Variants in ITGA8 observed in about 807,000 individuals in gnomAD.
The protein encoded by ITGA8 is integrin subunit alpha 8, also known as integrin alpha-8.
A neutral mutation model predicts 142.3 loss-of-function variants in ITGA8; 91 were observed. That is an observed-to-expected ratio of 0.64 (90% confidence interval 0.54 to 0.76). ITGA8 has a LOEUF of 0.76. ITGA8 is among the 30% of genes least tolerant of loss of function. The pLI is 0.00. For missense variants in ITGA8, 1,406 were observed against 1,327.7 expected, an observed-to-expected ratio of 1.06 and a Z score of -0.92; for synonymous variants, 505 against 485.2, an observed-to-expected ratio of 1.04 and a Z score of -0.54.
chr10:15,553,948 G>T (rs1260277389), intron 26 of ITGA8, among the ~76,000 whole-genome samples: 1 of 151,894 alleles, frequency 6.6e-6, no homozygotes, highest in African/African-American at 2.4e-5. Context: ...AGCTGAGACG[G>T]CACCATTGCA....
At chr10:15,546,335 C>T (rs960189891) in intron 27 of ITGA8, among the ~76,000 whole-genome samples, 1 of 152,178 alleles carries the variant, frequency 6.6e-6, no homozygotes, top group Non-Finnish European at 1.5e-5. Flanking sequence ...TATAACTAGA[C>T]CCTGAAGCAG....
chr10:15,579,677 CATCGAG>C (rs1834367176), intron 23 of ITGA8, among the ~76,000 whole-genome samples: 2 of 151,868 alleles, frequency 1.3e-5, no homozygotes, highest in Non-Finnish European at 2.9e-5. Context: ...GCAATTTTCT[CATCGAG>C]AGAGATAGGA....
chr10:15,577,215 A>T (rs1834315384), intron 23 of ITGA8, among the ~76,000 whole-genome samples: 1 of 152,194 alleles, frequency 6.6e-6, no homozygotes, highest in Admixed American at 6.5e-5. Flanking sequence ...TTCTCTGAAA[A>T]CTTTTGTTTT....
chr10:15,517,040 C>CTTA lies in ITGA8; in HGVS notation c.*117_*118insTAA. On this transcript the variant is annotated 3_prime_UTR_variant, in exon 30 of 30. Transcript: ENST00000378076. ...GATGAGGTGATGTTTCCAGGGTCCC[C>CTTA]TCCATTTCCTGGGTCACTGTCAGGT... The CTTA allele has an allele frequency of 3.8e-6, 2 of 531,008 alleles. No homozygotes were observed. Among genetic ancestry groups the CTTA allele is most frequent in the South Asian group, 3.8e-5 (1 of 26,288 alleles). 32.9% of individuals were successfully genotyped at this position (531,008 alleles called of 1,614,324 possible).
intron 2 of ITGA8, among the ~76,000 whole-genome samples, chr10:15,697,270 A>T (rs1272285694): frequency 1.3e-5 from 2 of 152,206 alleles, no homozygotes; most frequent in East Asian, 1.9e-4. Context: ...GAGGTTTTTT[A>T]AAAGTACAGA....
chr10:15,545,335 C>A (rs2131554935), intron 27 of ITGA8, among the ~76,000 whole-genome samples: 1 of 152,298 alleles, frequency 6.6e-6, no homozygotes, highest in Non-Finnish European at 1.5e-5. Flanking sequence ...CAGACTCATA[C>A]CTTGTTCCAC....
chr10:15,640,751 C>A (rs534598094), intron 13 of ITGA8, among the ~76,000 whole-genome samples: 1 of 152,112 alleles, frequency 6.6e-6, no homozygotes, highest in African/African-American at 2.4e-5. Context: ...CCAGCCTGTG[C>A]GTGTCTGAGT....
At chr10:15,547,544 G>C (rs60937691) in intron 27 of ITGA8, among the ~76,000 whole-genome samples, 8,421 of 152,182 alleles carry the variant, frequency 0.055, 755 homozygotes, top group African/African-American at 0.19. Flanking sequence ...TGCACTCCAG[G>C]CTGGGTAACA....
At chr10:15,717,200 A>T (rs1177275063) in intron 2 of ITGA8, among the ~76,000 whole-genome samples, 1 of 152,224 alleles carries the variant, frequency 6.6e-6, no homozygotes, top group Non-Finnish European at 1.5e-5. Context: ...ATACAAGAAG[A>T]TTATTAAATT....
chr10:15,588,865 T>C (rs1038722576), intron 22 of ITGA8, among the ~76,000 whole-genome samples: 1 of 152,208 alleles, frequency 6.6e-6, no homozygotes. Context: ...AGCAGCAAAC[T>C]CTGAGTCCAG....
Position 15,678,703 on chromosome 10 carries a change from C to T in ITGA8, c.630+19G>A, listed in dbSNP as rs188263252. 4.0e-4 allele frequency: 633 copies of T among 1,582,372 alleles called. No individual in the cohort carries two copies. Among genetic ancestry groups the T allele is most frequent in the African/African-American group, 1.1e-3 (79 of 74,272 alleles). ...AAATCAGATTAAATATTAGGAACTG[C>T]GAGACCAAAATAATTCACCTTATAA... On this transcript the variant is annotated intron_variant, in intron 5 of 29. Coordinates refer to ENST00000378076, the MANE Select transcript of ITGA8 (RefSeq NM_003638.3).
At chr10:15,558,460 G>C (rs1833921946) in intron 25 of ITGA8, among the ~76,000 whole-genome samples, 1 of 152,182 alleles carries the variant, frequency 6.6e-6, no homozygotes, top group Non-Finnish European at 1.5e-5. Flanking sequence ...GCAAGGAGAA[G>C]ATTTGAAGCA....
At chr10:15,671,677 C>G in intron 7 of ITGA8, 30 bp from the exon 8 acceptor site, 2 of 1,564,748 alleles carry the variant, frequency 1.3e-6, no homozygotes, top group Non-Finnish European at 1.8e-6. Flanking sequence ...ACAAACTAAT[C>G]ACACTTAATG....
chr10:15,534,926 C>T (rs7069480), intron 27 of ITGA8, among the ~76,000 whole-genome samples: 98,253 of 152,120 alleles, frequency 0.65, 35,156 homozygotes, highest in Middle Eastern at 0.86. Context: ...CTGGGCTGGC[C>T]GAGGCCGGAG....
chr10:15,663,604 G>T (rs1289937648), intron 8 of ITGA8, among the ~76,000 whole-genome samples: 1 of 150,506 alleles, frequency 6.6e-6, no homozygotes, highest in East Asian at 2.0e-4. Context: ...ATCTGAGTCT[G>T]TCACCCAAGG....
Position 15,514,072 on chromosome 10 carries a change from T to C in ITGA8, c.*3086A>G, listed in dbSNP as rs1832919921. On this transcript the variant is annotated 3_prime_UTR_variant, in exon 30 of 30. Transcript: ENST00000378076. Reference sequence around the variant, plus strand: ...AGTTCTAAGAATGCAGTTTCAGGGGTGACTAGTACATATTATTTTTTTATT... The same window carrying C: ...AGTTCTAAGAATGCAGTTTCAGGGGCGACTAGTACATATTATTTTTTTATT... The C allele has an allele frequency of 6.6e-6, 1 of 152,092 alleles. No individual in the cohort carries two copies. Among genetic ancestry groups the C allele is most frequent in the Non-Finnish European group, 1.5e-5 (1 of 68,032 alleles). 9.4% of individuals were successfully genotyped at this position (152,092 alleles called of 1,614,324 possible).
At chr10:15,673,073 G>A (rs937581791) in intron 6 of ITGA8, among the ~76,000 whole-genome samples, 4 of 152,028 alleles carry the variant, frequency 2.6e-5, no homozygotes, top group African/African-American at 9.7e-5. Context: ...ATTTTTGTTT[G>A]TTTGTTTGTT....
At chr10:15,536,351 A>T (rs1833437331) in intron 27 of ITGA8, among the ~76,000 whole-genome samples, 1 of 152,172 alleles carries the variant, frequency 6.6e-6, no homozygotes. Context: ...AGGAATGGAA[A>T]ACGTGGTTTA....
intron 8 of ITGA8, among the ~76,000 whole-genome samples, chr10:15,669,490 T>A (rs576432273): frequency 1.1e-4 from 16 of 152,202 alleles, no homozygotes; most frequent in Non-Finnish European, 2.4e-4. Context: ...CAGAGTAGTT[T>A]GATCTTCTGA....
Sources: allele counts gnomAD v4.1 joint callset (sites outside exome capture counted in the v4.1 genomes callset), GRCh38; gene constraint gnomAD v4.1.1; transcripts MANE v1.5; gene names NCBI Gene and HGNC (gene_info 2026-07-23, HGNC 2026-07-21).